The following PTPRU variants were observed in gnomAD, a reference collection of about 807,000 sequenced individuals.
The protein encoded by PTPRU is protein tyrosine phosphatase receptor type U, also known as receptor-type tyrosine-protein phosphatase U.
Under a neutral mutation model 166.3 loss-of-function variants are expected in PTPRU, and 69 were observed. The observed-to-expected ratio is 0.41, with a 90% CI of 0.34 to 0.51. The LOEUF is 0.51. Ranked by LOEUF, PTPRU falls within the 20% of genes least tolerant of loss-of-function variation. PTPRU has a pLI of 0.09. For synonymous variants in PTPRU, 793 were observed against 814.0 expected (o/e 0.97, Z 0.44); for missense variants, 1,657 against 2,013.7 (o/e 0.82, Z 3.39).
At position 29,302,216 on chromosome 1, in the gene PTPRU, GA is replaced by G. The variant is rs998435135; in HGVS notation, c.2477-1631del. 6.2e-5 allele frequency among the ~76,000 whole-genome samples: 9 copies of G among 144,664 alleles called. No individual in the cohort carries two copies. The East Asian group carries it at 8.9e-4, about 14-fold the overall frequency. The allele number at this position is 144,664 out of a possible 152,430, so 94.9% of individuals were successfully genotyped here. A position where few individuals can be genotyped will look rare whatever the true frequency, so the allele number is the denominator to read the frequency against. ...TTTTAACAAAAAAAATTTAAAAAAC[GA>G]AAAAAAATTTTAAATAGAAAAAAGT... On this transcript the variant is annotated intron_variant, in intron 15 of 29. Coordinates refer to ENST00000373779, the MANE Select transcript of PTPRU (RefSeq NM_133178.4).
In PTPRU at chr1:29,257,249, T is replaced by G. The variant is rs1382548747; in HGVS notation, c.206-1256T>G. On this transcript the variant is annotated intron_variant, in intron 2 of 29. Coordinates refer to ENST00000373779, the MANE Select transcript of PTPRU (RefSeq NM_133178.4). The surrounding 1 kb of genome is among the most constrained non-coding windows in gnomAD (Gnocchi z 4.6). ...GTAGCATGAGTGGGCCAAGAGGGAG[T>G]GTGTTGGGGGTTGAGAAGTGCCCCT... 2.7e-5 allele frequency among the ~76,000 whole-genome samples: 4 copies of G among 148,216 alleles called. No homozygotes were observed. Among genetic ancestry groups the G allele is most frequent in the Admixed American group, 6.7e-5 (1 of 14,928 alleles).
At position 29,279,339 on chromosome 1, in the gene PTPRU, C is replaced by G; in HGVS notation, c.1564-117C>G. On this transcript the variant is annotated intron_variant, in intron 9 of 29. Transcript: ENST00000373779. This position sits in a 1 kb window ranked among gnomAD's most constrained non-coding sequence, Gnocchi z 5.2. ...ACTAGAAGCCTGGCTTGATGGCATCCATAGTCTCCTTTGCTTAGCCTTATC... is the reference window on the plus strand; with the variant it reads ...ACTAGAAGCCTGGCTTGATGGCATCGATAGTCTCCTTTGCTTAGCCTTATC... 1.7e-6 allele frequency: 2 copies of G among 1,206,518 alleles called. No individual in the cohort carries two copies. Among genetic ancestry groups the G allele is most frequent in the Non-Finnish European group, 1.2e-6 (1 of 839,446 alleles). The allele number at this position is 1,206,518 out of a possible 1,614,324, so 74.7% of individuals were successfully genotyped here.
chr1:29,314,725 G>A lies in PTPRU; in HGVS notation c.3228-647G>A, dbSNP rs1325877770. On this transcript the variant is annotated intron_variant, in intron 22 of 29. Coordinates refer to ENST00000373779, the MANE Select transcript of PTPRU (RefSeq NM_133178.4). ...CCTGAGTAGCTGGAATTACAGGCAC[G>A]TGCCACCACACCCGGCTATTTTTTG... 2.6e-5 allele frequency among the ~76,000 whole-genome samples: 4 copies of A among 151,954 alleles called. No individual in the cohort carries two copies. The East Asian group carries it at 7.7e-4, about 29-fold the overall frequency.
Position 29,311,831 on chromosome 1 carries a change from C to G in PTPRU, c.3072+72C>G, listed in dbSNP as rs1186046563. 7.0e-7 allele frequency: 1 copy of G among 1,433,048 alleles called. No homozygotes were observed. Among genetic ancestry groups the G allele is most frequent in the Non-Finnish European group, 9.7e-7 (1 of 1,029,276 alleles). 88.8% of individuals were successfully genotyped at this position (1,433,048 alleles called of 1,614,324 possible). A position where few individuals can be genotyped will look rare whatever the true frequency, so the allele number is the denominator to read the frequency against. On this transcript the variant is annotated intron_variant, in intron 21 of 29. Transcript: ENST00000373779. This position sits in a 1 kb window ranked among gnomAD's most constrained non-coding sequence, Gnocchi z 4.1. ...GATTAGAGCCCACTCCCACTTCCCC[C>G]AGCCCTGGGAGCAGGAGGGTGAGGA...
At chr1:29,314,220 T>C (rs1019719515) in intron 22 of PTPRU, among the ~76,000 whole-genome samples, 3 of 152,196 alleles carry the variant, frequency 2.0e-5, no homozygotes, top group South Asian at 4.1e-4. Context: ...CATTCGATCG[T>C]ATGTCTTTTG....
At chr1:29,243,508 C>T (rs1385126704) in intron 1 of PTPRU, among the ~76,000 whole-genome samples, 1 of 152,250 alleles carries the variant, frequency 6.6e-6, no homozygotes, top group Non-Finnish European at 1.5e-5. Context: ...CACACTGTGC[C>T]CCTCCCTACT....
At chr1:29,308,130 CT>C (rs934134891) in intron 18 of PTPRU, among the ~76,000 whole-genome samples, 3 of 150,648 alleles carry the variant, frequency 2.0e-5, no homozygotes, top group Non-Finnish European at 1.5e-5. Context: ...TTTCTTTTTT[CT>C]TTTTTTTTGA....
intron 7 of PTPRU, among the ~76,000 whole-genome samples, chr1:29,265,506 G>T (rs1685261646): frequency 6.6e-6 from 1 of 151,924 alleles, no homozygotes; most frequent in African/African-American, 2.4e-5. Context: ...GGGATTACAG[G>T]CACACACCAC....
chr1:29,315,253 C>A lies in PTPRU; in HGVS notation c.3228-119C>A. 1.5e-6 allele frequency: 2 copies of A among 1,296,184 alleles called. No individual in the cohort carries two copies. The highest frequency in any genetic ancestry group is 2.1e-6 in the Non-Finnish European group (2 of 934,882). The allele number at this position is 1,296,184 out of a possible 1,614,324, so 80.3% of individuals were successfully genotyped here. On this transcript the variant is annotated intron_variant, in intron 22 of 29. Transcript: ENST00000373779. This position sits in a 1 kb window ranked among gnomAD's most constrained non-coding sequence, Gnocchi z 4.5. ...TCCTTACTCGGGGAGGGGCAGTCAT[C>A]TCTGTGTCCGTGTCCCCTGTATGGT... is the stretch of plus-strand genomic sequence containing the variant.
chr1:29,244,746 A>G (rs137990861), intron 1 of PTPRU, among the ~76,000 whole-genome samples: 511 of 152,264 alleles, frequency 3.4e-3, no homozygotes, highest in Non-Finnish European at 5.4e-3. Context: ...AATGGGGATA[A>G]TAATAGGACA....
At chr1:29,324,440 G>C (rs1340193241) in intron 28 of PTPRU, among the ~76,000 whole-genome samples, 1 of 152,214 alleles carries the variant, frequency 6.6e-6, no homozygotes, top group East Asian at 1.9e-4. Flanking sequence ...CCCACACGTG[G>C]AGTCACAGGG....
At chr1:29,273,287 G>A (rs1323279456) in intron 7 of PTPRU, among the ~76,000 whole-genome samples, 1 of 151,626 alleles carries the variant, frequency 6.6e-6, no homozygotes, top group Non-Finnish European at 1.5e-5. Flanking sequence ...CTTTTTTTTC[G>A]AGACAGCGTC....
At position 29,236,853 on chromosome 1, in the gene PTPRU, C is replaced by A; in HGVS notation, c.73+136C>A. ...TGTGTGTGTCTGAGCGTAGGATGGG[C>A]GATTGTGTGCCCGGGGTGTTGCGTG... On this transcript the variant is annotated intron_variant, in intron 1 of 29. Coordinates refer to ENST00000373779, the MANE Select transcript of PTPRU (RefSeq NM_133178.4). This position sits in a 1 kb window ranked among gnomAD's most constrained non-coding sequence, Gnocchi z 4.6. 1 of 832,750 alleles carries A rather than the reference C, an allele frequency of 1.2e-6. No individual in the cohort carries two copies. The highest frequency in any genetic ancestry group is 1.6e-6 in the Non-Finnish European group (1 of 617,272). The allele number at this position is 832,750 out of a possible 1,614,324, so 51.6% of individuals were successfully genotyped here.
At chr1:29,303,103 G>A (rs1047183896) in intron 15 of PTPRU, among the ~76,000 whole-genome samples, 1 of 152,184 alleles carries the variant, frequency 6.6e-6, no homozygotes, top group African/African-American at 2.4e-5. Context: ...GTTGTTAAGC[G>A]ATGCATAAGT....
rs576748305 is a variant in PTPRU, at chr1:29,305,709, G to A, written c.2820+281G>A. 6.7e-6 allele frequency: 4 copies of A among 599,806 alleles called. No individual in the cohort carries two copies. In the East Asian group the frequency reaches 1.1e-4, roughly 17 times the overall value. The allele number at this position is 599,806 out of a possible 1,614,324, so 37.2% of individuals were successfully genotyped here. On this transcript the variant is annotated intron_variant, in intron 18 of 29. Transcript: ENST00000373779. ...GACAGCTAGGCCAAGAGGTGAGGAA[G>A]GCGGGAGGCATGGAGAATGGGATTC... is the stretch of plus-strand genomic sequence containing the variant.
rs573263148 is a variant in PTPRU, at chr1:29,288,502, C to T, written c.2319-3367C>T. 3.7e-4 allele frequency among the ~76,000 whole-genome samples: 56 copies of T among 152,286 alleles called. No individual in the cohort carries two copies. The South Asian group carries it at 4.6e-3, about 12-fold the overall frequency. On this transcript the variant is annotated intron_variant, in intron 14 of 29. Coordinates refer to ENST00000373779, the MANE Select transcript of PTPRU (RefSeq NM_133178.4). ...TGAGGCCAGAAGAATGCCATTTCTT[C>T]AGCCGTGTCCTCCCTCGTGGGGCCT...
intron 7 of PTPRU, among the ~76,000 whole-genome samples, chr1:29,265,193 G>C (rs1290177794): frequency 6.6e-6 from 1 of 152,138 alleles, no homozygotes; most frequent in Non-Finnish European, 1.5e-5. Context: ...TGGCTGTGTT[G>C]TTTTATACTC....
intron 7 of PTPRU, among the ~76,000 whole-genome samples, chr1:29,263,157 G>A (rs539193642): frequency 2.0e-5 from 3 of 152,168 alleles, no homozygotes; most frequent in South Asian, 2.1e-4. Context: ...GCTAATTTTC[G>A]TATTTTTAGT....
intron 15 of PTPRU, among the ~76,000 whole-genome samples, chr1:29,303,496 G>T (rs1020248052): frequency 1.3e-5 from 2 of 152,250 alleles, no homozygotes; most frequent in African/African-American, 4.8e-5. Context: ...CTCTGGAAGA[G>T]GGGGAGGAAG....
Sources: allele counts gnomAD v4.1 joint callset (sites outside exome capture counted in the v4.1 genomes callset), GRCh38; gene constraint gnomAD v4.1.1; non-coding constraint Gnocchi (gnomAD v3.1); transcripts MANE v1.5; gene names NCBI Gene and HGNC (gene_info 2026-07-23, HGNC 2026-07-21).